The following MROH2B variants were observed in gnomAD, a reference collection of about 807,000 sequenced individuals.
MROH2B encodes maestro heat-like repeat-containing protein family member 2B.
In MROH2B, 177 loss-of-function variants were observed where a neutral mutation model predicts 208.6. The ratio of observed to expected loss-of-function variants is 0.85; its 90% confidence interval spans 0.75 to 0.96. The LOEUF is 0.96. MROH2B is among the 40% of genes least tolerant of loss of function. The pLI is 0.00. For synonymous variants in MROH2B, 728 were observed against 659.0 expected (o/e 1.10, Z -1.60); for missense variants, 2,002 against 1,878.7 (o/e 1.07, Z -1.21).
chr5:41,064,685 G>A (rs1272967113), intron 4 of MROH2B, 115 bp from the exon 5 acceptor site: 2 of 640,542 alleles, frequency 3.1e-6, no homozygotes, highest in East Asian at 5.6e-5. Flanking sequence ...CAGATGAGGT[G>A]TAGTAGAAAG....
At chr5:40,999,567 A>G (rs1741318476) in intron 40 of MROH2B, 110 bp downstream of exon 40, 1 of 769,992 alleles carries the variant, frequency 1.3e-6, no homozygotes, top group African/African-American at 1.8e-5. Context: ...GGCTTTAATA[A>G]AAAAGTTATA....
chr5:41,058,216 C>G lies in MROH2B; in HGVS notation c.616-13G>C. On this transcript the variant is annotated splice_polypyrimidine_tract_variant and intron_variant, in intron 6 of 41. Transcript: ENST00000399564. ...CGATGCTCAAAGTCTGTACAGGCAG[C>G]AAACAAATACCGTTTCTGAAACTTC... 1 of 1,493,696 alleles carries G rather than the reference C, an allele frequency of 6.7e-7. No homozygotes were observed. The highest frequency in any genetic ancestry group is 1.8e-4 in the Middle Eastern group (1 of 5,582). 92.5% of individuals were successfully genotyped at this position (1,493,696 alleles called of 1,614,324 possible).
rs752247915 is a variant in MROH2B, at chr5:41,064,452, G to T, written c.460+20C>A. ...CACAGCCTGGTTTTTAAGCAAAAAG[G>T]AAATCATCGGGATACCCACCAATAC... On this transcript the variant is annotated intron_variant, in intron 5 of 41. Coordinates refer to ENST00000399564, the MANE Select transcript of MROH2B (RefSeq NM_173489.5). The T allele has an allele frequency of 2.5e-5, 40 of 1,603,834 alleles. No homozygotes were observed. The highest frequency in any genetic ancestry group is 3.2e-5 in the Non-Finnish European group (38 of 1,172,414).
At position 41,064,467 on chromosome 5, in the gene MROH2B, C is replaced by A. The variant is rs1743736551; in HGVS notation, c.460+5G>T. 6.2e-7 allele frequency: 1 copy of A among 1,611,292 alleles called. No homozygotes were observed. The highest frequency in any genetic ancestry group is 1.3e-5 in the African/African-American group (1 of 74,888). ...AAGCAAAAAGGAAATCATCGGGATA[C>A]CCACCAATACAGAAAGTCCCCTTCA... On this transcript the variant is annotated splice_donor_5th_base_variant and intron_variant, in intron 5 of 41. Coordinates refer to ENST00000399564, the MANE Select transcript of MROH2B (RefSeq NM_173489.5).
In MROH2B at chr5:41,007,458, A is replaced by T. The variant is rs554005574; in HGVS notation, c.3609-4T>A. 6.4e-7 allele frequency: 1 copy of T among 1,561,164 alleles called. No individual in the cohort carries two copies. The highest frequency in any genetic ancestry group is 1.2e-5 in the South Asian group (1 of 81,286). Reference sequence around the variant, plus strand: ...TTTTAAAGTAGCAGTTGAAAGCCTAAAGGAGACAGTCAGCATTACAAAACT... The same window carrying T: ...TTTTAAAGTAGCAGTTGAAAGCCTATAGGAGACAGTCAGCATTACAAAACT... On this transcript the variant is annotated splice_polypyrimidine_tract_variant and splice_region_variant and intron_variant, in intron 33 of 41. Transcript: ENST00000399564.
At chr5:41,052,728 G>C (rs1050204402) in intron 11 of MROH2B, 141 bp from the exon 12 acceptor site, 1 of 724,478 alleles carries the variant, frequency 1.4e-6, no homozygotes. Context: ...TGTTAATACA[G>C]ATTGAATAAT....
intron 11 of MROH2B, among the ~76,000 whole-genome samples, chr5:41,054,171 G>C (rs1317540263): frequency 6.6e-6 from 1 of 151,984 alleles, no homozygotes; most frequent in Non-Finnish European, 1.5e-5. Flanking sequence ...GTAGAGACGG[G>C]GTTTCACCAT....
At position 41,071,078 on chromosome 5, in the gene MROH2B, G is replaced by C. The variant is rs370472091; in HGVS notation, c.-226C>G. On this transcript the variant is annotated 5_prime_UTR_variant, in exon 1 of 42. Coordinates refer to ENST00000399564, the MANE Select transcript of MROH2B (RefSeq NM_173489.5). ...TTCTACCACTATGACATTGTCTTGC[G>C]TCTGAACTCCTGCTAACCAACAAAA... The C allele has an allele frequency of 2.0e-6, 1 of 488,320 alleles. No homozygotes were observed. The highest frequency in any genetic ancestry group is 3.4e-5 in the Admixed American group (1 of 29,774). The allele number at this position is 488,320 out of a possible 1,614,324, so 30.2% of individuals were successfully genotyped here.
intron 33 of MROH2B, 111 bp from the exon 34 acceptor site, chr5:41,007,565 GATGT>G: frequency 2.8e-6 from 3 of 1,072,122 alleles, no homozygotes; most frequent in Non-Finnish European, 3.7e-6. Flanking sequence ...TGGACTAGGG[GATGT>G]TGTGTAAGGG....
rs775748505 is a variant in MROH2B, at chr5:41,045,014, T to G, written c.1836+732A>C. On this transcript the variant is annotated intron_variant, in intron 18 of 41. Coordinates refer to ENST00000399564, the MANE Select transcript of MROH2B (RefSeq NM_173489.5). ...TGAGTATGGTGAGAATCCAGAGAGATAAAATAATTTACCTGAGGCCCCACT... is the reference window on the plus strand; with the variant it reads ...TGAGTATGGTGAGAATCCAGAGAGAGAAAATAATTTACCTGAGGCCCCACT... 8.5e-5 allele frequency among the ~76,000 whole-genome samples: 13 copies of G among 152,054 alleles called. No individual in the cohort carries two copies. The South Asian group carries it at 1.2e-3, about 15-fold the overall frequency.
At chr5:41,026,344 G>C (rs527519483) in intron 24 of MROH2B, among the ~76,000 whole-genome samples, 2 of 152,218 alleles carry the variant, frequency 1.3e-5, no homozygotes, top group African/African-American at 2.4e-5. Context: ...AAAGTCTCAG[G>C]ATACAAAATC....
intron 41 of MROH2B, 55 bp from the exon 42 acceptor site, chr5:40,998,213 A>G (rs1415793911): frequency 6.8e-7 from 1 of 1,476,162 alleles, no homozygotes; most frequent in Non-Finnish European, 9.4e-7. Flanking sequence ...GCCCAGCAAG[A>G]AGGGCAAACC....
intron 35 of MROH2B, 115 bp downstream of exon 35, chr5:41,005,416 C>CT: frequency 6.4e-5 from 12 of 188,518 alleles, no homozygotes; most frequent in South Asian, 4.7e-4. Context: ...CTATGAAACC[C>CT]CCCCCCCCCT....
At chr5:41,008,067 G>T (rs1317103409) in intron 33 of MROH2B, among the ~76,000 whole-genome samples, 2 of 152,190 alleles carry the variant, frequency 1.3e-5, no homozygotes, top group East Asian at 1.9e-4. Context: ...GAAACAGAAT[G>T]ATGGGATATG....
intron 18 of MROH2B, among the ~76,000 whole-genome samples, chr5:41,042,705 A>G (rs1302366179): frequency 6.6e-6 from 1 of 152,110 alleles, no homozygotes; most frequent in Non-Finnish European, 1.5e-5. Context: ...CCTGGGTTCA[A>G]GAGATTTTCA....
Position 41,071,191 on chromosome 5 carries a change from C to G in MROH2B, c.-339G>C. On this transcript the variant is annotated 5_prime_UTR_variant, in exon 1 of 42. Coordinates refer to ENST00000399564, the MANE Select transcript of MROH2B (RefSeq NM_173489.5). ...GAGACTGGGATTCAAACCATTGTTG[C>G]AGACCAAAGGTGCTCCTCTCCCTAA... is the stretch of plus-strand genomic sequence containing the variant. 1 of 268,950 alleles carries G rather than the reference C, an allele frequency of 3.7e-6. No homozygotes were observed. The highest frequency in any genetic ancestry group is 7.1e-6 in the Non-Finnish European group (1 of 140,972). 16.7% of individuals were successfully genotyped at this position (268,950 alleles called of 1,614,324 possible).
chr5:41,055,766 A>G lies in MROH2B; in HGVS notation c.1009T>C (p.Leu337=). ...CCATCAGCATTGACAGCCAATCTTA[A>G]CAAAGTCAAGATTCCCACTCGAATG... ...EAIRVGILTL[L]RLAVNADEPR... is the part of the protein sequence containing the mutation. Residue 337 remains leucine (L), a synonymous_variant, in exon 10 of 42, where the codon TTA becomes CTA. Transcript: ENST00000399564. The G allele has an allele frequency of 3.7e-6, 6 of 1,613,854 alleles. No homozygotes were observed. The highest frequency in any genetic ancestry group is 4.2e-6 in the Non-Finnish European group (5 of 1,179,826).
At chr5:41,052,168 T>G (rs1743304784) in intron 12 of MROH2B, among the ~76,000 whole-genome samples, 1 of 150,764 alleles carries the variant, frequency 6.6e-6, no homozygotes, top group South Asian at 2.1e-4. Context: ...GAAAACTGAT[T>G]TAACCTATCT....
Position 41,010,011 on chromosome 5 carries a change from C to A in MROH2B, c.3204G>T (p.Gln1068His). The A allele has an allele frequency of 6.2e-7, 1 of 1,613,788 alleles. No individual in the cohort carries two copies. The highest frequency in any genetic ancestry group is 2.2e-5 in the East Asian group (1 of 44,860). Residue 1068 changes from glutamine to histidine, a missense_variant, in exon 31 of 42, where the codon CAG becomes CAT. Physicochemically the swap from Gln to His is conservative, Grantham distance 24 (BLOSUM62 0). Transcript: ENST00000399564. ...TCTGGGAGATGGCTTCTAGAATGAA[C>A]TGAAAACTTTCTTCTTTTTGTCTGA... ...PVLRQKEESF[Q>H]FILEAISQIA...
Sources: gnomAD v4.1 joint callset for allele counts (sites outside exome capture counted in the v4.1 genomes callset) on GRCh38, gnomAD v4.1.1 for gene constraint, MANE v1.5 for transcripts, NCBI Gene and HGNC (gene_info 2026-07-23, HGNC 2026-07-21) for gene names.